The following KCTD16 variants were observed in gnomAD, a reference collection of about 807,000 sequenced individuals.
KCTD16 encodes the protein potassium channel tetramerization domain containing 16.
Under a neutral mutation model 33.2 loss-of-function variants are expected in KCTD16, and 13 were observed. The ratio of observed to expected loss-of-function variants is 0.39; its 90% CI spans 0.25 to 0.62. The LOEUF is 0.62. Among genes scored for constraint, KCTD16 ranks in the 20% least tolerant of loss-of-function variants. The probability of loss-of-function intolerance (pLI) is 0.50; values close to 1 mark genes in which losing one functional copy is unlikely to be tolerated. For missense variants in KCTD16, 441 were observed against 525.1 expected (o/e 0.84, Z 1.57); for synonymous variants, 197 against 195.3 (o/e 1.01, Z -0.07).
chr5:144,194,942 T>G (rs1218310435), intron 2 of KCTD16, among the ~76,000 whole-genome samples: 1 of 152,236 alleles, frequency 6.6e-6, no homozygotes, highest in African/African-American at 2.4e-5. Flanking sequence ...TTTGCAGTAA[T>G]GAAAGGTGAC....
intron 3 of KCTD16, among the ~76,000 whole-genome samples, chr5:144,274,705 T>C (rs1401106866): frequency 6.6e-6 from 1 of 152,154 alleles, no homozygotes; most frequent in Non-Finnish European, 1.5e-5. Flanking sequence ...TAAAGAGAAT[T>C]GTACCTTTCT....
In KCTD16 at chr5:144,403,417, A is replaced by G. The variant is rs115811819; in HGVS notation, c.833-70243A>G. On this transcript the variant is annotated intron_variant, in intron 3 of 3. Coordinates refer to ENST00000512467, the MANE Select transcript of KCTD16 (RefSeq NM_020768.4). Reference sequence around the variant, plus strand: ...AGAGAGTAATGCCCTGTGAAGACACATAGACAGAAGCGACACACAGAGAGC... The same window carrying G: ...AGAGAGTAATGCCCTGTGAAGACACGTAGACAGAAGCGACACACAGAGAGC... 7.6e-3 allele frequency among the ~76,000 whole-genome samples: 1,157 copies of G among 152,282 alleles called. 21 individuals are homozygous for G. Among genetic ancestry groups the G allele is most frequent in the African/African-American group, 0.026 (1,084 of 41,564 alleles).
intron 3 of KCTD16, among the ~76,000 whole-genome samples, chr5:144,398,543 C>T (rs564264420): frequency 4.6e-5 from 7 of 152,300 alleles, no homozygotes; most frequent in African/African-American, 1.4e-4. Context: ...GTCCCTCCAG[C>T]ATGAGCTCTA....
chr5:144,342,116 T>C (rs1317176938), intron 3 of KCTD16, among the ~76,000 whole-genome samples: 2 of 152,180 alleles, frequency 1.3e-5, no homozygotes, highest in Non-Finnish European at 2.9e-5. Context: ...GTGAAGAAAG[T>C]CATTGGTAGC....
chr5:144,388,067 T>TC (rs1752366188), intron 3 of KCTD16, among the ~76,000 whole-genome samples: 1 of 62,724 alleles, frequency 1.6e-5, no homozygotes, highest in African/African-American at 6.9e-5. Flanking sequence ...TAGAGCAAGT[T>TC]TTTTTTTTTT....
intron 3 of KCTD16, among the ~76,000 whole-genome samples, chr5:144,266,951 C>T (rs1283699241): frequency 6.6e-6 from 1 of 152,110 alleles, no homozygotes; most frequent in African/African-American, 2.4e-5. Flanking sequence ...GCCTCTTATT[C>T]GGTTGGTGCA....
intron 3 of KCTD16, among the ~76,000 whole-genome samples, chr5:144,427,252 G>T (rs572063436): frequency 6.6e-6 from 1 of 151,916 alleles, no homozygotes; most frequent in South Asian, 2.1e-4. Flanking sequence ...TGAATTAAGC[G>T]GGGGGAGGGG....
At position 144,483,645 on chromosome 5, in the gene KCTD16, T is replaced by C. The variant is rs1754748200; in HGVS notation, c.*9531T>C. ...AGAATACAGTAAGTTGTGTACTCAT[T>C]CATAGCCACATGCTTTGCATATTAC... On this transcript the variant is annotated 3_prime_UTR_variant, in exon 4 of 4. Transcript: ENST00000512467. 1 of 152,006 alleles carries C rather than the reference T, an allele frequency of 6.6e-6. No homozygotes were observed. Among genetic ancestry groups the C allele is most frequent in the Non-Finnish European group, 1.5e-5 (1 of 67,946 alleles). 9.4% of individuals were successfully genotyped at this position (152,006 alleles called of 1,614,324 possible).
chr5:144,206,987 C>G lies in KCTD16; in HGVS notation c.273C>G (p.Asp91Glu). ...GTTATATTCTGGACTATCTCAGGGA[C>G]AGGCAGGTGGTCCTGCCTGATCACT... ...LFRYILDYLR[D>E]RQVVLPDHFP... The change falls in exon 3 of 4, where the codon GAC becomes GAG. Residue 91 changes from aspartate to glutamate, a missense_variant. Around this residue, in one of 3 missense-constraint regions of KCTD16, gnomAD observed 355 missense variants for 413.0 expected, o/e 0.86. Coordinates refer to ENST00000512467, the MANE Select transcript of KCTD16 (RefSeq NM_020768.4). 1 of 1,614,192 alleles carries G rather than the reference C, an allele frequency of 6.2e-7. No individual in the cohort carries two copies. The highest frequency in any genetic ancestry group is 8.5e-7 in the Non-Finnish European group (1 of 1,180,036).
chr5:144,393,637 C>T (rs1365391779), intron 3 of KCTD16, among the ~76,000 whole-genome samples: 1 of 152,094 alleles, frequency 6.6e-6, no homozygotes, highest in African/African-American at 2.4e-5. Flanking sequence ...TTCTCTGCCA[C>T]CTGCATGCCT....
At chr5:144,337,348 TA>T (rs1345680085) in intron 3 of KCTD16, among the ~76,000 whole-genome samples, 3 of 152,154 alleles carry the variant, frequency 2.0e-5, no homozygotes, top group East Asian at 1.9e-4. Flanking sequence ...TTTATATCAT[TA>T]GGGGTGTGAA....
rs1355486241 is a variant in KCTD16, at chr5:144,473,721, C to A, written c.894C>A (p.Asp298Glu). 1 of 1,611,688 alleles carries A rather than the reference C, an allele frequency of 6.2e-7. No homozygotes were observed. Among genetic ancestry groups the A allele is most frequent in the East Asian group, 2.2e-5 (1 of 44,794 alleles). ...CDCCCKNGKGDKEGESGTSCN... is the reference protein window; with the variant it reads ...CDCCCKNGKGEKEGESGTSCN... The stretch of plus-strand genomic sequence containing the variant: ...GCTGCTGCAAGAATGGCAAAGGTGA[C>A]AAAGAAGGGGAGAGCGGCACGTCTT... The change falls in exon 4 of 4, where the codon GAC (aspartate) becomes GAA (glutamate). Residue 298 changes from aspartate to glutamate, a missense_variant. Asp to Glu is a conservative substitution (Grantham distance 45). Coordinates refer to ENST00000512467, the MANE Select transcript of KCTD16 (RefSeq NM_020768.4).
chr5:144,451,889 G>A (rs1290561856), intron 3 of KCTD16, among the ~76,000 whole-genome samples: 2 of 152,026 alleles, frequency 1.3e-5, no homozygotes, highest in Admixed American at 1.3e-4. Context: ...CTGTAAGAAG[G>A]ACCTCAGACA....
At chr5:144,278,427 C>T (rs1456317399) in intron 3 of KCTD16, among the ~76,000 whole-genome samples, 2 of 149,152 alleles carry the variant, frequency 1.3e-5, no homozygotes, top group African/African-American at 4.9e-5. Flanking sequence ...AAGTGTGACT[C>T]TTCCAACTTT....
At chr5:144,396,294 C>G (rs1488542105) in intron 3 of KCTD16, among the ~76,000 whole-genome samples, 1 of 152,158 alleles carries the variant, frequency 6.6e-6, no homozygotes, top group African/African-American at 2.4e-5. Context: ...TCATTACTTT[C>G]CAGCCCTTGA....
chr5:144,394,723 C>T (rs1473668484), intron 3 of KCTD16, among the ~76,000 whole-genome samples: 7 of 152,128 alleles, frequency 4.6e-5, no homozygotes, highest in African/African-American at 1.7e-4. Flanking sequence ...TGGCATTTTG[C>T]CTGCTTGCTC....
At chr5:144,297,047 G>T (rs990692992) in intron 3 of KCTD16, among the ~76,000 whole-genome samples, 2 of 152,114 alleles carry the variant, frequency 1.3e-5, no homozygotes, top group African/African-American at 4.8e-5. Flanking sequence ...TCACCTAAAC[G>T]CAAGATGTGC....
intron 3 of KCTD16, among the ~76,000 whole-genome samples, chr5:144,449,842 G>C (rs1753901673): frequency 2.0e-5 from 3 of 151,910 alleles, no homozygotes; most frequent in Admixed American, 1.3e-4. Context: ...GAAATTATAA[G>C]ACTTCTAAGG....
chr5:144,254,303 A>AT (rs552314516), intron 3 of KCTD16, among the ~76,000 whole-genome samples: 4,456 of 134,942 alleles, frequency 0.033, 111 homozygotes, highest in African/African-American at 0.056. Context: ...AGCCCAGCTA[A>AT]TTTTTTTTTT....
Sources: gnomAD v4.1 joint callset for allele counts (sites outside exome capture counted in the v4.1 genomes callset) on GRCh38, gnomAD v4.1.1 for gene constraint, gnomAD v4.1.1 regional missense constraint, MANE v1.5 for transcripts, NCBI Gene and HGNC (gene_info 2026-07-23, HGNC 2026-07-21) for gene names.